Variants in UMAD1 observed in about 807,000 individuals in gnomAD.
UMAD1 encodes UBAP1-MVB12-associated (UMA)-domain containing protein 1.
In UMAD1, 8 loss-of-function variants were observed where a neutral mutation model predicts 6.1. The observed-to-expected ratio is 1.30, with a 90% CI of 0.76 to 2.35. UMAD1 has a LOEUF of 2.35. Among genes scored for constraint, UMAD1 ranks in the 30% most tolerant of loss-of-function variants. UMAD1 has a pLI of 0.00. For synonymous variants in UMAD1, 56 were observed against 31.4 expected, an observed-to-expected ratio of 1.78 and a Z score of -2.61; for missense variants, 130 against 78.4, an observed-to-expected ratio of 1.66 and a Z score of -2.49.
chr7:7,716,099 A>C (rs531184173), intron 2 of UMAD1, among the ~76,000 whole-genome samples: 15 of 152,322 alleles, frequency 9.8e-5, no homozygotes, highest in African/African-American at 3.1e-4. Flanking sequence ...TGCAGAAAGC[A>C]AACAAGCTGT....
At chr7:7,689,074 T>C (rs1780109729) in intron 2 of UMAD1, among the ~76,000 whole-genome samples, 1 of 152,154 alleles carries the variant, frequency 6.6e-6, no homozygotes, top group Non-Finnish European at 1.5e-5. Context: ...CCATGCGTTT[T>C]AGGAGAGCCA....
At chr7:7,766,140 A>G (rs1781981560) in intron 2 of UMAD1, among the ~76,000 whole-genome samples, 1 of 152,228 alleles carries the variant, frequency 6.6e-6, no homozygotes, top group Non-Finnish European at 1.5e-5. Context: ...GTGCTAACAC[A>G]TAAGATTATA....
chr7:7,702,028 A>T (rs1235095119), intron 2 of UMAD1, among the ~76,000 whole-genome samples: 2 of 152,204 alleles, frequency 1.3e-5, no homozygotes, highest in Admixed American at 1.3e-4. Context: ...TTCATATTGA[A>T]ATTCAGATAG....
At chr7:7,665,987 C>T (rs1198076453) in intron 1 of UMAD1, among the ~76,000 whole-genome samples, 3 of 151,960 alleles carry the variant, frequency 2.0e-5, no homozygotes. Context: ...AAAGTTGTTA[C>T]AACATTTGTA....
At chr7:7,834,961 G>C (rs908581368) in intron 3 of UMAD1, among the ~76,000 whole-genome samples, 2 of 151,784 alleles carry the variant, frequency 1.3e-5, no homozygotes, top group African/African-American at 4.9e-5. Context: ...AGAAAGCAAA[G>C]GAAGCCACAC....
Position 7,827,994 on chromosome 7 carries a change from C to T in UMAD1, c.156+26251C>T, listed in dbSNP as rs541884025. Among the ~76,000 whole-genome samples, 674 of 152,220 alleles carry T rather than the reference C, an allele frequency of 4.4e-3. 3 individuals carry two copies. Among genetic ancestry groups the T allele is most frequent in the Middle Eastern group, 0.01 (3 of 294 alleles). Reference sequence around the variant, plus strand: ...AATTATTCAAGAAGCCACTATAAGACCATTTTCAAAGTCTTTTTCTTCTTT... The same window carrying T: ...AATTATTCAAGAAGCCACTATAAGATCATTTTCAAAGTCTTTTTCTTCTTT... On this transcript the variant is annotated intron_variant, in intron 3 of 3. Transcript: ENST00000682710.
At chr7:7,730,327 C>T (rs548983224) in intron 2 of UMAD1, among the ~76,000 whole-genome samples, 72 of 152,274 alleles carry the variant, frequency 4.7e-4, no homozygotes, top group Non-Finnish European at 6.8e-4. Flanking sequence ...CTGGCAGGGA[C>T]GTTTTAGACA....
intron 3 of UMAD1, among the ~76,000 whole-genome samples, chr7:7,831,072 T>C (rs541363301): frequency 1.3e-5 from 2 of 152,196 alleles, no homozygotes; most frequent in Non-Finnish European, 2.9e-5. Flanking sequence ...TATGCATTTA[T>C]AAGGAAAATT....
chr7:7,828,007 C>G (rs755647721), intron 3 of UMAD1, among the ~76,000 whole-genome samples: 32 of 152,072 alleles, frequency 2.1e-4, no homozygotes, highest in Non-Finnish European at 4.7e-4. Context: ...TTTTCAAAGT[C>G]TTTTTCTTCT....
Position 7,743,881 on chromosome 7 carries a change from A to G in UMAD1, c.83-57789A>G, listed in dbSNP as rs562574401. 4.6e-5 allele frequency among the ~76,000 whole-genome samples: 7 copies of G among 152,128 alleles called. No homozygotes were observed. The South Asian group carries it at 1.5e-3, about 32-fold the overall frequency. ...CACTGTCTATTTCTAAAGCTTTTCCATCACCCCAGAGAAACTATTTTTAAA... is the reference window on the plus strand; with the variant it reads ...CACTGTCTATTTCTAAAGCTTTTCCGTCACCCCAGAGAAACTATTTTTAAA... On this transcript the variant is annotated intron_variant, in intron 2 of 3. Transcript: ENST00000682710.
chr7:7,727,772 G>C (rs1217149427), intron 2 of UMAD1, among the ~76,000 whole-genome samples: 1 of 152,146 alleles, frequency 6.6e-6, no homozygotes, highest in Non-Finnish European at 1.5e-5. Context: ...TCAAACATCA[G>C]ACTTCAAGTT....
At chr7:7,689,846 G>A (rs1780132069) in intron 2 of UMAD1, among the ~76,000 whole-genome samples, 1 of 152,180 alleles carries the variant, frequency 6.6e-6, no homozygotes, top group Non-Finnish European at 1.5e-5. Context: ...CTGGTACCAA[G>A]GGAGACCATA....
At chr7:7,663,082 C>G (rs565153054) in intron 1 of UMAD1, among the ~76,000 whole-genome samples, 144 of 151,780 alleles carry the variant, frequency 9.5e-4, no homozygotes, top group Non-Finnish European at 1.7e-3. Context: ...CACCCAAATG[C>G]GAAAGTTTAT....
chr7:7,861,647 T>C (rs1158905498), intron 3 of UMAD1, among the ~76,000 whole-genome samples: 1 of 152,232 alleles, frequency 6.6e-6, no homozygotes, highest in Non-Finnish European at 1.5e-5. Flanking sequence ...TTCATCTGTA[T>C]ATGAAAACAC....
chr7:7,829,316 C>A (rs1001992394), intron 3 of UMAD1, among the ~76,000 whole-genome samples: 1 of 152,224 alleles, frequency 6.6e-6, no homozygotes, highest in African/African-American at 2.4e-5. Context: ...AGCAATAACT[C>A]TCTACAAGTT....
At chr7:7,799,223 G>T (rs1380560983) in intron 2 of UMAD1, among the ~76,000 whole-genome samples, 4 of 152,166 alleles carry the variant, frequency 2.6e-5, no homozygotes, top group Admixed American at 6.5e-5. Flanking sequence ...ATTCTTTTCT[G>T]TTTGTTGTTT....
chr7:7,681,831 C>A (rs1779921026), intron 2 of UMAD1, among the ~76,000 whole-genome samples: 1 of 152,006 alleles, frequency 6.6e-6, no homozygotes, highest in Non-Finnish European at 1.5e-5. Context: ...AGTGTAGTGG[C>A]AAGCTCATAG....
chr7:7,731,488 C>CCCT (rs1781254109), intron 2 of UMAD1, among the ~76,000 whole-genome samples: 1 of 143,562 alleles, frequency 7.0e-6, no homozygotes, highest in African/African-American at 2.6e-5. Context: ...AACAACCCCC[C>CCCT]CCCAAAAAAA....
intron 1 of UMAD1, among the ~76,000 whole-genome samples, chr7:7,655,534 A>G (rs999503273): frequency 3.9e-5 from 6 of 152,204 alleles, no homozygotes; most frequent in Non-Finnish European, 7.3e-5. Context: ...GTAGCTCACC[A>G]TCTTCCAACT....
Sources: allele counts gnomAD v4.1 joint callset (sites outside exome capture counted in the v4.1 genomes callset), GRCh38; gene constraint gnomAD v4.1.1; transcripts MANE v1.5; gene names NCBI Gene and HGNC (gene_info 2026-07-23, HGNC 2026-07-21).